Variants in RASGEF1C observed in about 807,000 individuals in gnomAD.
RASGEF1C encodes the protein RasGEF domain family member 1C.
In RASGEF1C, 27 loss-of-function variants were observed where a neutral mutation model predicts 58.1. That is an observed-to-expected ratio of 0.46 (90% confidence interval 0.34 to 0.64). The LOEUF (loss-of-function observed/expected upper bound fraction) is 0.64. Among genes scored for constraint, RASGEF1C ranks in the 30% least tolerant of loss-of-function variants. The pLI is 0.01. For missense variants in RASGEF1C, 502 were observed against 605.1 expected, an observed-to-expected ratio of 0.83 and a Z score of 1.79; for synonymous variants, 243 against 246.3, an observed-to-expected ratio of 0.99 and a Z score of 0.13.
chr5:180,183,130 TGC>T (rs1383141873), intron 1 of RASGEF1C, among the ~76,000 whole-genome samples: 1 of 152,156 alleles, frequency 6.6e-6, no homozygotes, highest in Non-Finnish European at 1.5e-5. Flanking sequence ...GTCAGATACT[TGC>T]ATCAGAGACT....
At chr5:180,146,870 T>C (rs1329292216) in intron 1 of RASGEF1C, among the ~76,000 whole-genome samples, 3 of 152,200 alleles carry the variant, frequency 2.0e-5, no homozygotes. Flanking sequence ...TTAGGAAAAG[T>C]TTGAGAAGCA....
intron 1 of RASGEF1C, among the ~76,000 whole-genome samples, chr5:180,153,357 G>A (rs1307223296): frequency 6.6e-6 from 1 of 152,212 alleles, no homozygotes; most frequent in African/African-American, 2.4e-5. Context: ...GCCTGCCATG[G>A]GATTTGGGGG....
intron 3 of RASGEF1C, 175 bp from the exon 4 acceptor site, chr5:180,136,690 G>A (rs1582275214): frequency 1.6e-6 from 1 of 642,248 alleles, no homozygotes; most frequent in Non-Finnish European, 2.6e-6. Flanking sequence ...AGAGGAGGGG[G>A]GACGGACACA....
intron 1 of RASGEF1C, among the ~76,000 whole-genome samples, chr5:180,138,792 C>T (rs4700716): frequency 0.021 from 3,154 of 152,342 alleles, 41 homozygotes; most frequent in Middle Eastern, 0.044. Context: ...GCCACGTTCT[C>T]TCCTCCAAAT....
intron 12 of RASGEF1C, among the ~76,000 whole-genome samples, chr5:180,103,159 G>C (rs1237626338): frequency 6.6e-6 from 1 of 152,118 alleles, no homozygotes; most frequent in Non-Finnish European, 1.5e-5. Context: ...CTCACTGCAA[G>C]CTCTGCCTCC....
intron 10 of RASGEF1C, among the ~76,000 whole-genome samples, chr5:180,116,517 C>T (rs558653697): frequency 2.0e-5 from 3 of 152,334 alleles, no homozygotes; most frequent in East Asian, 3.9e-4. Flanking sequence ...GCCCAAGACC[C>T]GCCTCTCTCT....
In RASGEF1C at chr5:180,101,341, A is replaced by C; in HGVS notation, c.*160T>G. The C allele has an allele frequency of 1.1e-5, 8 of 718,828 alleles. No homozygotes were observed. The highest frequency in any genetic ancestry group is 1.3e-5 in the Non-Finnish European group (6 of 469,964). The allele number at this position is 718,828 out of a possible 1,614,324, so 44.5% of individuals were successfully genotyped here. ...CCCATAAAAGGTCTCCTGTGCCCGT[A>C]TGGCCACTGTGGGGGGGGGGGGGGC... On this transcript the variant is annotated 3_prime_UTR_variant, in exon 14 of 14. Coordinates refer to ENST00000361132, the MANE Select transcript of RASGEF1C (RefSeq NM_175062.4).
At position 180,102,135 on chromosome 5, in the gene RASGEF1C, A is replaced by G. The variant is rs1358382388; in HGVS notation, c.1312T>C (p.Leu438=). 4 of 1,570,288 alleles carry G rather than the reference A, an allele frequency of 2.5e-6. No homozygotes were observed. The highest frequency in any genetic ancestry group is 2.2e-5 in the South Asian group (2 of 89,952). The change falls in exon 13 of 14, where the codon TTG becomes CTG. Residue 438 remains leucine (L), a synonymous_variant. Transcript: ENST00000361132. Reference sequence around the variant, plus strand: ...GGGCTCTCACTTTCGTAAGAAGCCAAATAAAGACCTAGACAGAAAATGAAG... The same window carrying G: ...GGGCTCTCACTTTCGTAAGAAGCCAGATAAAGACCTAGACAGAAAATGAAG... ...APIFSEDGLY[L]ASYESESPEN...
At chr5:180,178,332 T>C (rs1767265113) in intron 1 of RASGEF1C, among the ~76,000 whole-genome samples, 1 of 126,372 alleles carries the variant, frequency 7.9e-6, no homozygotes, top group South Asian at 2.7e-4. Flanking sequence ...TAGGCTGGAG[T>C]ACAGTGGCGT....
chr5:180,132,969 GAAAAAA>G (rs34307583), intron 4 of RASGEF1C, among the ~76,000 whole-genome samples: 3 of 99,212 alleles, frequency 3.0e-5, no homozygotes, highest in African/African-American at 1.2e-4. Context: ...CTCCGTCTCA[GAAAAAA>G]AAAAAAAAAA....
intron 12 of RASGEF1C, among the ~76,000 whole-genome samples, chr5:180,106,035 C>T (rs530268481): frequency 7.2e-5 from 11 of 152,270 alleles, no homozygotes; most frequent in Admixed American, 2.0e-4. Context: ...AGTGGGATGA[C>T]GTGTGATTTC....
At chr5:180,102,248 C>A in intron 12 of RASGEF1C, 105 bp from the exon 13 acceptor site, 1 of 689,094 alleles carries the variant, frequency 1.5e-6, no homozygotes, top group African/African-American at 1.8e-5. Flanking sequence ...TCTATTCTGT[C>A]CCATTGATCC....
chr5:180,122,777 CA>C (rs72105671), intron 6 of RASGEF1C, among the ~76,000 whole-genome samples: 46,529 of 137,630 alleles, frequency 0.34, 7,562 homozygotes, highest in African/African-American at 0.42. Flanking sequence ...AAACAAAAAA[CA>C]AAAAAAAATC....
Position 180,195,487 on chromosome 5 carries a change from A to G in RASGEF1C, c.-7+13541T>C, listed in dbSNP as rs571577208. On this transcript the variant is annotated intron_variant, in intron 1 of 13. Coordinates refer to ENST00000361132, the MANE Select transcript of RASGEF1C (RefSeq NM_175062.4). Reference sequence around the variant, plus strand: ...GTGTCAAAAAGCACAAGGGCCGGGCACGGTGGCTCACGCCTGTAATCCCAG... The same window carrying G: ...GTGTCAAAAAGCACAAGGGCCGGGCGCGGTGGCTCACGCCTGTAATCCCAG... Among the ~76,000 whole-genome samples the G allele has an allele frequency of 1.2e-4, 18 of 152,308 alleles. No homozygotes were observed. The South Asian group carries it at 2.5e-3, about 21-fold the overall frequency.
intron 1 of RASGEF1C, among the ~76,000 whole-genome samples, chr5:180,189,779 C>A (rs1203878489): frequency 6.6e-6 from 1 of 151,634 alleles, no homozygotes; most frequent in Non-Finnish European, 1.5e-5. Context: ...AAAAATTAGC[C>A]AGGCATGGTG....
chr5:180,114,601 CG>C (rs1036297834), intron 10 of RASGEF1C, 60 bp from the exon 11 acceptor site: 191 of 1,513,448 alleles, frequency 1.3e-4, no homozygotes, highest in Non-Finnish European at 1.6e-4. Context: ...GGCTCCAGGA[CG>C]GGGGGCAGCC....
At chr5:180,192,750 G>GT (rs59956150) in intron 1 of RASGEF1C, among the ~76,000 whole-genome samples, 108 of 147,246 alleles carry the variant, frequency 7.3e-4, no homozygotes, top group African/African-American at 9.5e-4. Context: ...TTTGTTTTTT[G>GT]TTTTTTTTTT....
At chr5:180,173,209 C>G (rs978742676) in intron 1 of RASGEF1C, among the ~76,000 whole-genome samples, 1 of 152,234 alleles carries the variant, frequency 6.6e-6, no homozygotes, top group Non-Finnish European at 1.5e-5. Context: ...TGCTTTCCTG[C>G]AAAAACTCAG....
intron 1 of RASGEF1C, among the ~76,000 whole-genome samples, chr5:180,173,837 C>T (rs571887375): frequency 4.6e-5 from 7 of 150,826 alleles, no homozygotes; most frequent in Non-Finnish European, 8.8e-5. Flanking sequence ...CGCTTGAGCC[C>T]GGGAGGCGGA....
Sources: gnomAD v4.1 joint callset for allele counts (sites outside exome capture counted in the v4.1 genomes callset) on GRCh38, gnomAD v4.1.1 for gene constraint, MANE v1.5 for transcripts, NCBI Gene and HGNC (gene_info 2026-07-23, HGNC 2026-07-21) for gene names.